The following CAMKMT variants were observed in gnomAD, a reference collection of about 807,000 sequenced individuals.
The protein encoded by CAMKMT is CaM KMT.
In CAMKMT, 53 loss-of-function variants were observed where a neutral mutation model predicts 48.0. The ratio of observed to expected loss-of-function variants is 1.10; its 90% CI spans 0.89 to 1.39. The LOEUF (loss-of-function observed/expected upper bound fraction) is 1.39, where lower values mean the gene tolerates loss of function less well. CAMKMT is among the 40% of genes most tolerant of loss of function. The probability of loss-of-function intolerance (pLI) is 0.00; values close to 1 mark genes in which losing one functional copy is unlikely to be tolerated. For missense variants in CAMKMT, 428 were observed against 402.7 expected (o/e 1.06, Z -0.54); for synonymous variants, 165 against 152.3 (o/e 1.08, Z -0.61).
chr2:44,374,692 T>C (rs1386738477), intron 2 of CAMKMT, among the ~76,000 whole-genome samples: 1 of 152,226 alleles, frequency 6.6e-6, no homozygotes, highest in Non-Finnish European at 1.5e-5. Flanking sequence ...CTGGGACTCC[T>C]TTCCAACAGC....
At chr2:44,581,891 T>G (rs1669588368) in intron 3 of CAMKMT, among the ~76,000 whole-genome samples, 1 of 152,160 alleles carries the variant, frequency 6.6e-6, no homozygotes, top group Non-Finnish European at 1.5e-5. Context: ...CCCAGCTATT[T>G]GGGAGGCTGA....
At chr2:44,406,651 C>G (rs914336305) in intron 3 of CAMKMT, among the ~76,000 whole-genome samples, 27 of 152,162 alleles carry the variant, frequency 1.8e-4, no homozygotes, top group Admixed American at 1.8e-3. Context: ...GGCTGGAATG[C>G]AGTGGCACCA....
intron 3 of CAMKMT, among the ~76,000 whole-genome samples, chr2:44,460,688 A>G (rs954605271): frequency 4.7e-5 from 7 of 150,458 alleles, no homozygotes; most frequent in Admixed American, 6.6e-5. Context: ...AAACAAAGAC[A>G]TAATACAGTT....
At position 44,625,437 on chromosome 2, in the gene CAMKMT, T is replaced by C. The variant is rs568498046; in HGVS notation, c.377-78846T>C. On this transcript the variant is annotated intron_variant, in intron 3 of 10. Transcript: ENST00000378494. ...ACAAATCAGTTGTTAAATGTAAGTA[T>C]TGCAGATTTTTTCCCAGTCTTTGGC... 2.1e-3 allele frequency among the ~76,000 whole-genome samples: 316 copies of C among 152,264 alleles called. 1 individual carries two copies. The highest frequency in any genetic ancestry group is 3.5e-3 in the Non-Finnish European group (236 of 68,010).
chr2:44,380,511 G>A (rs1260993382), intron 2 of CAMKMT, among the ~76,000 whole-genome samples: 4 of 151,912 alleles, frequency 2.6e-5, no homozygotes, highest in Non-Finnish European at 5.9e-5. Context: ...ACTAAGACTA[G>A]ACAAGAGCTT....
chr2:44,379,244 T>TAAC (rs1446006965), intron 2 of CAMKMT, among the ~76,000 whole-genome samples: 1 of 152,250 alleles, frequency 6.6e-6, no homozygotes, highest in African/African-American at 2.4e-5. Flanking sequence ...TTGTACCACA[T>TAAC]AACAGTACCT....
chr2:44,403,245 G>A (rs917793954), intron 3 of CAMKMT, among the ~76,000 whole-genome samples: 3 of 152,070 alleles, frequency 2.0e-5, no homozygotes, highest in African/African-American at 7.2e-5. Flanking sequence ...TTTGGAAGAT[G>A]GATAAGAAGA....
chr2:44,494,766 T>C (rs1165673885), intron 3 of CAMKMT, among the ~76,000 whole-genome samples: 1 of 152,168 alleles, frequency 6.6e-6, no homozygotes, highest in Non-Finnish European at 1.5e-5. Flanking sequence ...TAGATAGAAT[T>C]ATTATTAGTA....
At chr2:44,669,793 A>G (rs922377351) in intron 3 of CAMKMT, among the ~76,000 whole-genome samples, 1 of 151,968 alleles carries the variant, frequency 6.6e-6, no homozygotes, top group Non-Finnish European at 1.5e-5. Context: ...GTGTGCCACC[A>G]CATCTGGCTA....
chr2:44,537,783 GAACT>G (rs1262192822), intron 3 of CAMKMT, among the ~76,000 whole-genome samples: 1 of 152,120 alleles, frequency 6.6e-6, no homozygotes, highest in African/African-American at 2.4e-5. Flanking sequence ...GGCTGTTCTT[GAACT>G]ACTGGACTCC....
chr2:44,507,324 A>G (rs905383048), intron 3 of CAMKMT, among the ~76,000 whole-genome samples: 19 of 152,348 alleles, frequency 1.2e-4, no homozygotes, highest in African/African-American at 4.6e-4. Context: ...TAAATCTTTA[A>G]TGACCTTCAC....
chr2:44,668,434 C>T lies in CAMKMT; in HGVS notation c.377-35849C>T, dbSNP rs114073889. Among the ~76,000 whole-genome samples, 1,359 of 152,258 alleles carry T rather than the reference C, an allele frequency of 8.9e-3. 20 individuals carry two copies. Among genetic ancestry groups the T allele is most frequent in the African/African-American group, 0.03 (1,259 of 41,524 alleles). ...TTACCACATTCCTCTCTCTGCTGAT[C>T]GACTCCTATCACCATAAAATCATGT... On this transcript the variant is annotated intron_variant, in intron 3 of 10. Coordinates refer to ENST00000378494, the MANE Select transcript of CAMKMT (RefSeq NM_024766.5).
At chr2:44,443,048 A>G (rs1347263533) in intron 3 of CAMKMT, among the ~76,000 whole-genome samples, 1 of 152,188 alleles carries the variant, frequency 6.6e-6, no homozygotes, top group African/African-American at 2.4e-5. Context: ...TTTAGAGCTT[A>G]GGAAATACGT....
chr2:44,642,840 G>T (rs1673521541), intron 3 of CAMKMT, among the ~76,000 whole-genome samples: 1 of 152,088 alleles, frequency 6.6e-6, no homozygotes, highest in East Asian at 1.9e-4. Context: ...TTCATCCACG[G>T]TATGAAATGG....
chr2:44,407,833 T>C (rs1682887506), intron 3 of CAMKMT, among the ~76,000 whole-genome samples: 1 of 152,090 alleles, frequency 6.6e-6, no homozygotes, highest in Non-Finnish European at 1.5e-5. Context: ...TACCTCAAGA[T>C]GTCATTCATT....
intron 3 of CAMKMT, among the ~76,000 whole-genome samples, chr2:44,624,160 G>A (rs1348873095): frequency 1.3e-5 from 2 of 152,112 alleles, no homozygotes; most frequent in Non-Finnish European, 2.9e-5. Flanking sequence ...AATGAATACT[G>A]TTGATAAAAA....
chr2:44,732,745 C>T (rs1253778929), intron 7 of CAMKMT, among the ~76,000 whole-genome samples: 1 of 152,084 alleles, frequency 6.6e-6, no homozygotes, highest in African/African-American at 2.4e-5. Flanking sequence ...AAATGCTTTG[C>T]TCATTTTTTA....
chr2:44,700,429 C>T (rs181597800), intron 3 of CAMKMT, among the ~76,000 whole-genome samples: 161 of 152,308 alleles, frequency 1.1e-3, no homozygotes, highest in Admixed American at 1.8e-3. Context: ...TTTCAACATG[C>T]CTTCTCCATA....
At chr2:44,443,024 C>T (rs1005296186) in intron 3 of CAMKMT, among the ~76,000 whole-genome samples, 64 of 152,170 alleles carry the variant, frequency 4.2e-4, no homozygotes, top group Non-Finnish European at 7.4e-5. Flanking sequence ...GTTCTTCTGT[C>T]CTACCTGGTA....
Sources: gnomAD v4.1 joint callset for allele counts (sites outside exome capture counted in the v4.1 genomes callset) on GRCh38, gnomAD v4.1.1 for gene constraint, MANE v1.5 for transcripts, NCBI Gene and HGNC (gene_info 2026-07-23, HGNC 2026-07-21) for gene names.